The following GOLGB1 variants were observed in gnomAD, a reference collection of about 807,000 sequenced individuals.
The protein encoded by GOLGB1 is golgin subfamily B member 1.
In GOLGB1, 174 loss-of-function variants were observed where a neutral mutation model predicts 336.9. The observed-to-expected ratio is 0.52, with a 90% CI of 0.46 to 0.59. GOLGB1 has a LOEUF of 0.59. Ranked by LOEUF, GOLGB1 falls within the 20% of genes least tolerant of loss-of-function variation. The pLI is 0.00. For missense variants in GOLGB1, 3,331 were observed against 3,645.3 expected, an observed-to-expected ratio of 0.91 and a Z score of 2.22; for synonymous variants, 1,208 against 1,289.2, an observed-to-expected ratio of 0.94 and a Z score of 1.35.
Position 121,693,775 on chromosome 3 carries a change from T to C in GOLGB1, c.6748A>G (p.Ile2250Val), listed in dbSNP as rs760534408. 3.7e-6 allele frequency: 6 copies of C among 1,609,184 alleles called. No individual in the cohort carries two copies. Among genetic ancestry groups the C allele is most frequent in the Non-Finnish European group, 5.1e-6 (6 of 1,176,230 alleles). The change falls in exon 13 of 22, where the codon ATC becomes GTC. Residue 2250 changes from isoleucine (I) to valine (V), a missense_variant. Coordinates refer to ENST00000614479, the MANE Select transcript of GOLGB1 (RefSeq NM_001366282.2). The stretch of plus-strand genomic sequence containing the variant: ...TTAATCTTTAATTCTTCCATATGGA[T>C]GGACATCTGTCTAAGTTGATCCTTT... ...VLKDQLRQMS[I>V]HMEELKINIS... is the part of the protein sequence containing the mutation.
intron 10 of GOLGB1, among the ~76,000 whole-genome samples, chr3:121,704,720 G>A (rs1462724114): frequency 7.0e-6 from 1 of 142,194 alleles, no homozygotes; most frequent in Non-Finnish European, 1.5e-5. Flanking sequence ...AGGTTGCGGT[G>A]AGCCAAGACT....
At chr3:121,675,918 G>T (rs968028208) in intron 17 of GOLGB1, among the ~76,000 whole-genome samples, 2 of 152,184 alleles carry the variant, frequency 1.3e-5, no homozygotes, top group African/African-American at 2.4e-5. Flanking sequence ...ACGGGAGTTA[G>T]TTGACGGAAA....
At chr3:121,734,027 A>G (rs1398268239) in intron 1 of GOLGB1, among the ~76,000 whole-genome samples, 1 of 152,222 alleles carries the variant, frequency 6.6e-6, no homozygotes, top group African/African-American at 2.4e-5. Flanking sequence ...ATTATAAAAA[A>G]TATTGATTAA....
At position 121,729,462 on chromosome 3, in the gene GOLGB1, G is replaced by A; in HGVS notation, c.250-122C>T. On this transcript the variant is annotated intron_variant, in intron 3 of 21. Transcript: ENST00000614479. ...AGGGTATCTCTCTGTTACCAGGGCT[G>A]GAGTGCAGTGGCACAATCACAACTC... is the stretch of plus-strand genomic sequence containing the variant. The A allele has an allele frequency of 5.2e-6, 4 of 767,116 alleles. No individual in the cohort carries two copies. The South Asian group carries it at 7.4e-5, about 14-fold the overall frequency. The allele number at this position is 767,116 out of a possible 1,614,324, so 47.5% of individuals were successfully genotyped here. A position where few individuals can be genotyped will look rare whatever the true frequency, so the allele number is the denominator to read the frequency against.
intron 7 of GOLGB1, 91 bp from the exon 8 acceptor site, chr3:121,718,592 A>C (rs568155719): frequency 1.1e-6 from 1 of 924,880 alleles, no homozygotes; most frequent in African/African-American, 1.6e-5. Context: ...TTGTATACTT[A>C]AATTTTGGGG....
At chr3:121,747,284 T>G (rs893180726) in intron 1 of GOLGB1, among the ~76,000 whole-genome samples, 1 of 135,642 alleles carries the variant, frequency 7.4e-6, no homozygotes, top group African/African-American at 2.9e-5. Context: ...TATGTATATA[T>G]GTATATATAT....
At position 121,691,757 on chromosome 3, in the gene GOLGB1, G is replaced by A; in HGVS notation, c.7607C>T (p.Ala2536Val). 1 of 1,613,172 alleles carries A rather than the reference G, an allele frequency of 6.2e-7. No individual in the cohort carries two copies. The highest frequency in any genetic ancestry group is 8.5e-7 in the Non-Finnish European group (1 of 1,179,278). ...GTCTTCTCTATATTGGATCAGTTCTGCATCTAGCTTGGCATTCTCAGAATT... is the reference window on the plus strand; with the variant it reads ...GTCTTCTCTATATTGGATCAGTTCTACATCTAGCTTGGCATTCTCAGAATT... The part of the protein sequence containing the change: ...DLNSENAKLD[A>V]ELIQYREDLN... The change falls in exon 14 of 22, where the codon GCA becomes GTA. Residue 2536 changes from alanine to valine, a missense_variant. By Grantham distance (64) the Ala-to-Val change is moderately conservative (BLOSUM62 0). Transcript: ENST00000614479.
chr3:121,730,747 A>G, intron 2 of GOLGB1, 129 bp downstream of exon 2: 1 of 856,374 alleles, frequency 1.2e-6, no homozygotes, highest in Non-Finnish European at 1.7e-6. Context: ...TAAAATTTCA[A>G]TATTTTTCTT....
At position 121,696,426 on chromosome 3, in the gene GOLGB1, T is replaced by G; in HGVS notation, c.4097A>C (p.His1366Pro). The change falls in exon 13 of 22, where the codon CAT (histidine) becomes CCT (proline). Residue 1366 changes from histidine (H) to proline (P), a missense_variant. His to Pro is a moderately conservative substitution (Grantham distance 77, BLOSUM62 -2). Coordinates refer to ENST00000614479, the MANE Select transcript of GOLGB1 (RefSeq NM_001366282.2). ...GCTTTCGGCATGGACTTCAGCTTCA[T>G]GGGATACTGTCTTTAGACTCTCGAT... is the stretch of plus-strand genomic sequence containing the variant. ...LEIESLKTVS[H>P]EAEVHAESLQ... 6.2e-7 allele frequency: 1 copy of G among 1,614,184 alleles called. No individual in the cohort carries two copies. The highest frequency in any genetic ancestry group is 8.5e-7 in the Non-Finnish European group (1 of 1,180,020).
At chr3:121,749,936 A>T (rs796733136), upstream of GOLGB1, among the ~76,000 whole-genome samples, 1 of 152,154 alleles carries the variant, frequency 6.6e-6, no homozygotes, top group Admixed American at 6.5e-5. Context: ...GAATGAGGGG[A>T]GTGATTAGAC....
intron 4 of GOLGB1, among the ~76,000 whole-genome samples, chr3:121,728,727 C>T (rs983379388): frequency 1.3e-5 from 2 of 152,140 alleles, no homozygotes; most frequent in Admixed American, 6.5e-5. Flanking sequence ...GCTGATTCAG[C>T]CCACATGCAT....
chr3:121,671,750 A>G (rs187085072), intron 17 of GOLGB1, among the ~76,000 whole-genome samples: 4 of 152,100 alleles, frequency 2.6e-5, no homozygotes, highest in Non-Finnish European at 4.4e-5. Flanking sequence ...TCTTCTATCA[A>G]ACCATGTATT....
rs73855418 is a variant in GOLGB1 at position 121,733,797 on chromosome 3, G to A, written c.-2-2824C>T. On this transcript the variant is annotated intron_variant, in intron 1 of 21. Coordinates refer to ENST00000614479, the MANE Select transcript of GOLGB1 (RefSeq NM_001366282.2). ...TTAACAAAGGTACAAATGCAATTAAGTTGAGAAAGGACAATCTTTTCAATA... is the reference window on the plus strand; with the variant it reads ...TTAACAAAGGTACAAATGCAATTAAATTGAGAAAGGACAATCTTTTCAATA... 8.5e-3 allele frequency among the ~76,000 whole-genome samples: 1,288 copies of A among 152,254 alleles called. 12 individuals are homozygous for A. The highest frequency in any genetic ancestry group is 0.029 in the African/African-American group (1,198 of 41,546).
chr3:121,743,558 C>A (rs2108418250), intron 1 of GOLGB1, among the ~76,000 whole-genome samples: 1 of 152,248 alleles, frequency 6.6e-6, no homozygotes, highest in African/African-American at 2.4e-5. Context: ...CACATATATA[C>A]CTATGTAACA....
chr3:121,669,404 G>A, intron 17 of GOLGB1, 49 bp from the exon 18 acceptor site: 2 of 1,456,368 alleles, frequency 1.4e-6, no homozygotes, highest in Non-Finnish European at 1.9e-6. Flanking sequence ...TGTAAGCAGT[G>A]CTGAGGTGAA....
chr3:121,692,564 T>C lies in GOLGB1; in HGVS notation c.6800A>G (p.Gln2267Arg). 1 of 1,580,834 alleles carries C rather than the reference T, an allele frequency of 6.3e-7. No individual in the cohort carries two copies. The highest frequency in any genetic ancestry group is 1.2e-5 in the South Asian group (1 of 84,932). Residue 2267 changes from glutamine to arginine, a missense_variant, in exon 14 of 22, where the codon CAG becomes CGG. Transcript: ENST00000614479. ...TGTCTGGGCCTTGGACTCCCAAATC[T>C]GCTTGTCATGTTCAAGCCTGAAACA... ...INISRLEHDK[Q>R]IWESKAQTEV... is the part of the protein sequence containing the mutation.
At position 121,690,671 on chromosome 3, in the gene GOLGB1, A is replaced by G; in HGVS notation, c.8693T>C (p.Leu2898Pro). 6.9e-7 allele frequency: 1 copy of G among 1,450,192 alleles called. No homozygotes were observed. The highest frequency in any genetic ancestry group is 1.4e-5 in the African/African-American group (1 of 70,570). 89.8% of individuals were successfully genotyped at this position (1,450,192 alleles called of 1,614,324 possible). A position where few individuals can be genotyped will look rare whatever the true frequency, so the allele number is the denominator to read the frequency against. The change falls in exon 14 of 22, where the codon CTA becomes CCA. Residue 2898 changes from leucine (L) to proline (P), a missense_variant and splice_region_variant. Transcript: ENST00000614479. ...MSSLQNDRDR[L>P]LKELKNLQQQ... is the part of the protein sequence containing the mutation. ...AGAAAGAAAGAACTAGCTACTCACT[A>G]GTCTGTCTCTGTCATTTTGGAGTGA...
At chr3:121,675,679 G>A (rs1156911983) in intron 17 of GOLGB1, among the ~76,000 whole-genome samples, 1 of 151,972 alleles carries the variant, frequency 6.6e-6, no homozygotes, top group Non-Finnish European at 1.5e-5. Flanking sequence ...TGATTATATG[G>A]GTATCTTCAC....
chr3:121,680,939 C>A (rs1941001260), intron 15 of GOLGB1, among the ~76,000 whole-genome samples: 1 of 152,138 alleles, frequency 6.6e-6, no homozygotes, highest in African/African-American at 2.4e-5. Flanking sequence ...TCTTAAAAAA[C>A]AAAACATTCA....
Sources: allele counts gnomAD v4.1 joint callset (sites outside exome capture counted in the v4.1 genomes callset), GRCh38; gene constraint gnomAD v4.1.1; transcripts MANE v1.5; gene names NCBI Gene and HGNC (gene_info 2026-07-23, HGNC 2026-07-21).